PKD2: variants seen among roughly 807,000 people sequenced by gnomAD.
The protein encoded by PKD2 is polycystin 2, transient receptor potential cation channel.
Under a neutral mutation model 105.9 loss-of-function variants are expected in PKD2, and 48 were observed. The ratio of observed to expected loss-of-function variants is 0.45; its 90% confidence interval spans 0.36 to 0.58. PKD2 has a LOEUF of 0.58. Among genes scored for constraint, PKD2 ranks in the 20% least tolerant of loss-of-function variants. The probability of loss-of-function intolerance (pLI) is 0.00; values close to 1 mark genes in which losing one functional copy is unlikely to be tolerated. For synonymous variants in PKD2, 464 were observed against 481.1 expected (o/e 0.96, Z 0.46); for missense variants, 1,078 against 1,255.3 (o/e 0.86, Z 2.13).
rs1022223276 is a variant in PKD2 at position 88,060,831 on chromosome 4, C to A, written c.2020-1075C>A. ...TCAATTAGGTGGCACTTACCTGCATCAGGACCTGTCCTGAGCACTTTACAT... is the reference window on the plus strand; with the variant it reads ...TCAATTAGGTGGCACTTACCTGCATAAGGACCTGTCCTGAGCACTTTACAT... On this transcript the variant is annotated intron_variant, in intron 9 of 14. Transcript: ENST00000237596. Among the ~76,000 whole-genome samples the A allele has an allele frequency of 3.9e-5, 6 of 152,320 alleles. No individual in the cohort carries two copies. The Middle Eastern group carries it at 0.01, about 259-fold the overall frequency.
At chr4:88,046,546 C>G (rs1003275631) in intron 5 of PKD2, 96 bp from the exon 6 acceptor site, 1 of 798,766 alleles carries the variant, frequency 1.3e-6, no homozygotes, top group Non-Finnish European at 2.3e-6. Context: ...AGTTTCATTA[C>G]CTTGTAATGC....
At chr4:88,017,130 C>T (rs967131373) in intron 1 of PKD2, among the ~76,000 whole-genome samples, 5 of 152,160 alleles carry the variant, frequency 3.3e-5, no homozygotes, top group African/African-American at 1.2e-4. Context: ...TCGAGACCAG[C>T]CTGGGCAACG....
intron 13 of PKD2, among the ~76,000 whole-genome samples, chr4:88,072,928 C>T (rs1190519638): frequency 1.3e-5 from 2 of 150,706 alleles, no homozygotes; most frequent in Non-Finnish European, 1.5e-5. Context: ...CCCAGCTACT[C>T]GGGAGCCTGA....
At chr4:88,072,451 C>T (rs887255101) in intron 13 of PKD2, among the ~76,000 whole-genome samples, 4 of 152,222 alleles carry the variant, frequency 2.6e-5, no homozygotes, top group African/African-American at 9.6e-5. Context: ...TTTCCTCACG[C>T]TTCATTCCAA....
chr4:88,049,212 A>G (rs1727885143), intron 6 of PKD2, among the ~76,000 whole-genome samples: 1 of 152,236 alleles, frequency 6.6e-6, no homozygotes, highest in African/African-American at 2.4e-5. Flanking sequence ...CTTTGGTGTA[A>G]CAGGTACATC....
At chr4:88,038,110 T>G in intron 3 of PKD2, 141 bp from the exon 4 acceptor site, 1 of 922,630 alleles carries the variant, frequency 1.1e-6, no homozygotes. Context: ...CTATCCCAAA[T>G]CTCTCTGACA....
In PKD2 at chr4:88,036,332, T is replaced by C. The variant is rs1044154753; in HGVS notation, c.822T>C (p.Ser274=). ...AGAAAACTAACTTTAAAACTCTGTC[T>C]TCCATGGAAGACTTCTGGAAGGTAT... ...KTEKTNFKTL[S]SMEDFWKFTE... The change falls in exon 3 of 15, where the codon TCT becomes TCC. Residue 274 remains serine (S), a synonymous_variant. Coordinates refer to ENST00000237596, the MANE Select transcript of PKD2 (RefSeq NM_000297.4). The C allele has an allele frequency of 6.2e-7, 1 of 1,614,010 alleles. No homozygotes were observed. The highest frequency in any genetic ancestry group is 1.7e-5 in the Admixed American group (1 of 60,016).
chr4:88,029,988 A>G (rs1727088088), intron 2 of PKD2, among the ~76,000 whole-genome samples: 1 of 152,160 alleles, frequency 6.6e-6, no homozygotes, highest in Non-Finnish European at 1.5e-5. Context: ...AGGACACCCC[A>G]TGGTTTAAGT....
chr4:88,040,449 A>T (rs1255322496), intron 4 of PKD2, among the ~76,000 whole-genome samples: 1 of 152,200 alleles, frequency 6.6e-6, no homozygotes, highest in Non-Finnish European at 1.5e-5. Context: ...GTGGATTGCC[A>T]AAGGGGACCT....
Position 88,065,753 on chromosome 4 carries a change from TAATTTCAGG to T in PKD2, c.2241-6_2243del. ...ATGATTTTTATCTGTATCCTCTCTC[TAATTTCAGG>T]AAGGGCCATACTGATGCAGAGATTG... is the stretch of plus-strand genomic sequence containing the variant. On this transcript the variant is annotated splice_acceptor_variant and splice_polypyrimidine_tract_variant and coding_sequence_variant and intron_variant, in exon 12 of 15. Transcript: ENST00000237596. LOFTEE classifies it high-confidence loss of function. 3 of 1,575,236 alleles carry T rather than the reference TAATTTCAGG, an allele frequency of 1.9e-6. No individual in the cohort carries two copies. The highest frequency in any genetic ancestry group is 2.6e-6 in the Non-Finnish European group (3 of 1,144,530).
At chr4:88,032,641 A>G (rs553348991) in intron 2 of PKD2, among the ~76,000 whole-genome samples, 130 of 152,286 alleles carry the variant, frequency 8.5e-4, no homozygotes, top group African/African-American at 3.0e-3. Context: ...AAGGTTATCT[A>G]TTTCATGCAG....
Position 88,076,927 on chromosome 4 carries a change from T to C in PKD2, c.*1233T>C, listed in dbSNP as rs1331345925. 1 of 152,178 alleles carries C rather than the reference T, an allele frequency of 6.6e-6. No homozygotes were observed. Among genetic ancestry groups the C allele is most frequent in the Non-Finnish European group, 1.5e-5 (1 of 68,038 alleles). The allele number at this position is 152,178 out of a possible 1,614,324, so 9.4% of individuals were successfully genotyped here. On this transcript the variant is annotated 3_prime_UTR_variant, in exon 15 of 15. Coordinates refer to ENST00000237596, the MANE Select transcript of PKD2 (RefSeq NM_000297.4). ...GAGCTCAGTCTAATAAAAAAGAGGT[T>C]TTGGTATTAAAAGTTCATACATTAG...
intron 13 of PKD2, among the ~76,000 whole-genome samples, chr4:88,071,493 C>CTT (rs376040444): frequency 7.1e-6 from 1 of 140,114 alleles, no homozygotes; most frequent in Admixed American, 7.1e-5. Flanking sequence ...TTTCAGTTGT[C>CTT]TTTTTTTTTT....
chr4:88,058,134 A>C lies in PKD2; in HGVS notation c.2019+31A>C, dbSNP rs370452441. Reference sequence around the variant, plus strand: ...TACATTTTTATTTATAGTGAGGTTCAATTTAAACTTCGTAAATCCTTGTCT... The same window carrying C: ...TACATTTTTATTTATAGTGAGGTTCCATTTAAACTTCGTAAATCCTTGTCT... On this transcript the variant is annotated intron_variant, in intron 9 of 14. Transcript: ENST00000237596. The C allele has an allele frequency of 2.3e-6, 3 of 1,319,716 alleles. No individual in the cohort carries two copies. The African/African-American group carries it at 4.3e-5, about 19-fold the overall frequency. The allele number at this position is 1,319,716 out of a possible 1,614,324, so 81.8% of individuals were successfully genotyped here.
chr4:88,022,403 T>A (rs1013004726), intron 2 of PKD2, among the ~76,000 whole-genome samples: 3 of 152,164 alleles, frequency 2.0e-5, no homozygotes, highest in Admixed American at 2.0e-4. Flanking sequence ...TTGGTTGGAG[T>A]TCACTTCATT....
intron 6 of PKD2, among the ~76,000 whole-genome samples, chr4:88,048,208 C>T (rs1037719709): frequency 7.2e-5 from 11 of 152,174 alleles, no homozygotes; most frequent in African/African-American, 2.7e-4. Flanking sequence ...TCTGAAATCT[C>T]AGTAAATGAT....
intron 13 of PKD2, among the ~76,000 whole-genome samples, chr4:88,072,882 A>G (rs1052776827): frequency 2.6e-5 from 4 of 151,972 alleles, no homozygotes; most frequent in African/African-American, 7.3e-5. Context: ...TACAAGAAAT[A>G]GAAAAATTAA....
intron 13 of PKD2, among the ~76,000 whole-genome samples, chr4:88,074,435 A>AC (rs1342358018): frequency 2.6e-5 from 4 of 151,784 alleles, no homozygotes; most frequent in Non-Finnish European, 2.9e-5. Flanking sequence ...ATCATGCCCT[A>AC]CCCCCCCATC....
intron 2 of PKD2, among the ~76,000 whole-genome samples, chr4:88,025,624 AAAAG>A (rs1726932712): frequency 1.3e-5 from 2 of 151,970 alleles, no homozygotes; most frequent in African/African-American, 2.4e-5. Context: ...AAAAAAAAAA[AAAAG>A]AAAAGAAAAG....
Sources: allele counts gnomAD v4.1 joint callset (sites outside exome capture counted in the v4.1 genomes callset), GRCh38; gene constraint gnomAD v4.1.1; transcripts MANE v1.5; gene names NCBI Gene and HGNC (gene_info 2026-07-23, HGNC 2026-07-21).